The following ESRRG variants were observed in gnomAD, a reference collection of about 807,000 sequenced individuals.
ESRRG encodes estrogen-related receptor gamma.
Under a neutral mutation model 44.0 loss-of-function variants are expected in ESRRG, and 13 were observed. That is an observed-to-expected ratio of 0.30 (90% confidence interval 0.19 to 0.47). The LOEUF (loss-of-function observed/expected upper bound fraction) is 0.47, where lower values mean the gene tolerates loss of function less well. Ranked by LOEUF, ESRRG falls within the 20% of genes least tolerant of loss-of-function variation. The pLI, the probability that ESRRG is intolerant of heterozygous loss-of-function variation, is 1.00. For synonymous variants in ESRRG, 215 were observed against 214.6 expected (o/e 1.00, Z -0.02); for missense variants, 395 against 580.6 (o/e 0.68, Z 3.29).
chr1:217,056,880 G>A (rs997680035), intron 1 of ESRRG, among the ~76,000 whole-genome samples: 1 of 151,938 alleles, frequency 6.6e-6, no homozygotes, highest in African/African-American at 2.4e-5. Context: ...GAAACATTGG[G>A]TATCGATGGA....
intron 1 of ESRRG, among the ~76,000 whole-genome samples, chr1:216,981,728 T>C (rs2074007721): frequency 1.3e-5 from 2 of 151,790 alleles, no homozygotes; most frequent in South Asian, 4.2e-4. Context: ...CATGCACACA[T>C]ACGCACGCAC....
chr1:217,011,859 T>TA (rs2150797917), intron 1 of ESRRG, among the ~76,000 whole-genome samples: 1 of 152,268 alleles, frequency 6.6e-6, no homozygotes, highest in Non-Finnish European at 1.5e-5. Flanking sequence ...TCTTAGTACT[T>TA]ACCTAATTTG....
intron 1 of ESRRG, among the ~76,000 whole-genome samples, chr1:217,007,740 C>G (rs1435459837): frequency 6.6e-6 from 1 of 152,100 alleles, no homozygotes; most frequent in Non-Finnish European, 1.5e-5. Context: ...TTTTCTTCCT[C>G]CCTTCCCTCT....
intron 3 of ESRRG, among the ~76,000 whole-genome samples, chr1:216,634,372 C>G (rs1339956950): frequency 6.6e-6 from 1 of 150,724 alleles, no homozygotes; most frequent in Non-Finnish European, 1.5e-5. Flanking sequence ...ACAGTGTTCT[C>G]CTGGGGGAAA....
intron 5 of ESRRG, 137 bp from the exon 6 acceptor site, chr1:216,519,558 C>T (rs934414123): frequency 4.9e-6 from 4 of 810,990 alleles, no homozygotes; most frequent in Non-Finnish European, 7.4e-6. Flanking sequence ...TTAAAATTTT[C>T]CCTGGATCAC....
intron 1 of ESRRG, among the ~76,000 whole-genome samples, chr1:216,942,669 T>C (rs1378314826): frequency 2.0e-5 from 3 of 152,166 alleles, no homozygotes; most frequent in Non-Finnish European, 2.9e-5. Flanking sequence ...ATTAGTGATG[T>C]TGAGCATTTT....
chr1:216,597,289 G>A (rs907314828), intron 3 of ESRRG, among the ~76,000 whole-genome samples: 1 of 152,206 alleles, frequency 6.6e-6, no homozygotes, highest in Admixed American at 6.5e-5. Flanking sequence ...AATTACAGCC[G>A]TATAATGCTT....
At chr1:217,045,852 CT>C in intron 1 of ESRRG, among the ~76,000 whole-genome samples, 1 of 152,178 alleles carries the variant, frequency 6.6e-6, no homozygotes, top group Non-Finnish European at 1.5e-5. Context: ...TGCTATGTTT[CT>C]TTTGAAATAT....
intron 1 of ESRRG, among the ~76,000 whole-genome samples, chr1:216,955,168 C>T (rs979105920): frequency 6.6e-6 from 1 of 152,088 alleles, no homozygotes; most frequent in African/African-American, 2.4e-5. Context: ...CATTTCGTAT[C>T]TGTTAACCAA....
chr1:217,005,285 C>T lies in ESRRG; in HGVS notation c.-105-65612G>A, dbSNP rs532675783. ...CTTTGAAGGACAATCATGACCAGAGCGGTAGATGATTAGTCCAAGCACACA... is the reference window on the plus strand; with the variant it reads ...CTTTGAAGGACAATCATGACCAGAGTGGTAGATGATTAGTCCAAGCACACA... On this transcript the variant is annotated intron_variant, in intron 1 of 7. Coordinates refer to the ESRRG transcript ENST00000359162. Among the ~76,000 whole-genome samples the T allele has an allele frequency of 2.0e-4, 30 of 152,248 alleles. No individual in the cohort carries two copies. The East Asian group carries it at 3.9e-3, about 20-fold the overall frequency.
chr1:216,517,116 T>C (rs1374424586), intron 6 of ESRRG, among the ~76,000 whole-genome samples: 2 of 152,168 alleles, frequency 1.3e-5, no homozygotes, highest in Non-Finnish European at 2.9e-5. Flanking sequence ...GCAAGAATAT[T>C]TTGGGACAGA....
intron 2 of ESRRG, among the ~76,000 whole-genome samples, chr1:216,932,106 AG>A (rs1224883004): frequency 1.3e-5 from 2 of 152,162 alleles, no homozygotes; most frequent in African/African-American, 4.8e-5. Flanking sequence ...CAGGAGGCTG[AG>A]GCAGGAAAAT....
At chr1:216,989,406 T>C (rs182381210) in intron 1 of ESRRG, among the ~76,000 whole-genome samples, 96 of 137,496 alleles carry the variant, frequency 7.0e-4, no homozygotes, top group African/African-American at 2.6e-3. Context: ...GCACTCTGTC[T>C]GCATGGTAGA....
chr1:216,762,450 C>G (rs991824591), intron 2 of ESRRG, among the ~76,000 whole-genome samples: 5 of 150,440 alleles, frequency 3.3e-5, no homozygotes, highest in African/African-American at 1.2e-4. Context: ...TAAACTATCA[C>G]AAGAACAAAA....
intron 5 of ESRRG, among the ~76,000 whole-genome samples, chr1:216,541,677 C>A (rs1224849440): frequency 6.6e-6 from 1 of 150,470 alleles, no homozygotes; most frequent in African/African-American, 2.4e-5. Flanking sequence ...GCTATAATGA[C>A]CAAAGTCTTT....
intron 2 of ESRRG, among the ~76,000 whole-genome samples, chr1:216,768,105 T>C (rs2093176168): frequency 6.6e-6 from 1 of 152,116 alleles, no homozygotes. Flanking sequence ...ATAATCACAC[T>C]TTCAGTTGAG....
intron 2 of ESRRG, among the ~76,000 whole-genome samples, chr1:216,660,004 T>C (rs535106662): frequency 1.6e-4 from 24 of 152,336 alleles, no homozygotes; most frequent in Middle Eastern, 3.4e-3. Context: ...TAGCTTCAAA[T>C]TATTCATTAA....
At chr1:216,849,515 G>T (rs1190635222) in intron 2 of ESRRG, among the ~76,000 whole-genome samples, 1 of 152,000 alleles carries the variant, frequency 6.6e-6, no homozygotes, top group African/African-American at 2.4e-5. Context: ...GATTCCACTA[G>T]TTTCTATTAA....
rs536870389 is a variant in ESRRG at position 216,882,940 on chromosome 1, A to T, written c.-14+56642T>A. On this transcript the variant is annotated intron_variant, in intron 2 of 7. Transcript: ENST00000359162. ...GATTTGGAAATCATTGTCTGAAAAA[A>T]AAAAAATGCTCTCTAAAAGCATAAG... Among the ~76,000 whole-genome samples, 7 of 152,250 alleles carry T rather than the reference A, an allele frequency of 4.6e-5. No homozygotes were observed. In the East Asian group the frequency reaches 5.8e-4, roughly 13 times the overall value.
Sources: allele counts gnomAD v4.1 joint callset (sites outside exome capture counted in the v4.1 genomes callset), GRCh38; gene constraint gnomAD v4.1.1; transcripts MANE v1.5; gene names NCBI Gene and HGNC (gene_info 2026-07-23, HGNC 2026-07-21).